Variants in TAPBP observed in about 807,000 individuals in gnomAD.
TAPBP encodes the protein TAP binding protein.
In TAPBP, 38 loss-of-function variants were observed where a neutral mutation model predicts 45.7. The observed-to-expected ratio is 0.83, with a 90% CI of 0.64 to 1.09. The LOEUF (loss-of-function observed/expected upper bound fraction) is 1.09. Ranked by LOEUF, TAPBP falls within the 50% of genes least tolerant of loss-of-function variation. The probability of loss-of-function intolerance (pLI) is 0.00; values close to 1 mark genes in which losing one functional copy is unlikely to be tolerated. For missense variants in TAPBP, 513 were observed against 587.3 expected (o/e 0.87, Z 1.31); for synonymous variants, 226 against 254.8 (o/e 0.89, Z 1.08).
rs1489092697 is a variant in TAPBP, at chr6:33,301,418, A to G, written c.*342T>C. On this transcript the variant is annotated 3_prime_UTR_variant, in exon 8 of 8. Coordinates refer to ENST00000434618, the MANE Select transcript of TAPBP (RefSeq NM_003190.5). Reference sequence around the variant, plus strand: ...GTGAAACCCCGTCTCTACTAAAAATACAAAAATTCACTGGGTGTGGTGGCA... The same window carrying G: ...GTGAAACCCCGTCTCTACTAAAAATGCAAAAATTCACTGGGTGTGGTGGCA... 1.1e-5 allele frequency: 3 copies of G among 280,038 alleles called. No individual in the cohort carries two copies. Among genetic ancestry groups the G allele is most frequent in the African/African-American group, 6.7e-5 (3 of 45,110 alleles). The allele number at this position is 280,038 out of a possible 1,614,324, so 17.3% of individuals were successfully genotyped here.
chr6:33,312,966 C>G (rs938311187), intron 3 of TAPBP: 3 of 426,168 alleles, frequency 7.0e-6, no homozygotes, highest in Non-Finnish European at 1.2e-5. Flanking sequence ...AGTAACCCCC[C>G]TGCCCGGCCC....
intron 3 of TAPBP, among the ~76,000 whole-genome samples, chr6:33,310,443 T>G (rs1282647818): frequency 7.0e-6 from 1 of 143,164 alleles, no homozygotes; most frequent in East Asian, 2.0e-4. Context: ...GAGGCAGAAG[T>G]TGAAATGAGC....
At position 33,301,684 on chromosome 6, in the gene TAPBP, G is replaced by A; in HGVS notation, c.*76C>T. On this transcript the variant is annotated 3_prime_UTR_variant, in exon 8 of 8. Transcript: ENST00000434618. ...GGAGGGATTAGGAGCAGATGATAGG[G>A]TATTATTTTAGGGAGCTACTACAGA... 7.6e-7 allele frequency: 1 copy of A among 1,318,090 alleles called. No individual in the cohort carries two copies. Among genetic ancestry groups the A allele is most frequent in the Non-Finnish European group, 1.1e-6 (1 of 913,298 alleles). 81.6% of individuals were successfully genotyped at this position (1,318,090 alleles called of 1,614,324 possible).
rs1231240668 is a variant in TAPBP at position 33,305,929 on chromosome 6, C to G, written c.470-542G>C. On this transcript the variant is annotated intron_variant, in intron 3 of 7. Transcript: ENST00000434618. This position sits in a 1 kb window ranked among gnomAD's most constrained non-coding sequence, Gnocchi z 4.4. Reference sequence around the variant, plus strand: ...CAGTGCAGTGGCTAAGTGCCTGGAGCCTGGCTGACCGGGTTCAAATCCCCT... The same window carrying G: ...CAGTGCAGTGGCTAAGTGCCTGGAGGCTGGCTGACCGGGTTCAAATCCCCT... Among the ~76,000 whole-genome samples, 1 of 152,200 alleles carries G rather than the reference C, an allele frequency of 6.6e-6. No individual in the cohort carries two copies. The highest frequency in any genetic ancestry group is 1.5e-5 in the Non-Finnish European group (1 of 68,042).
At chr6:33,308,029 A>G (rs1769088993) in intron 3 of TAPBP, 1 of 152,722 alleles carries the variant, frequency 6.5e-6, no homozygotes, top group Non-Finnish European at 1.5e-5. Flanking sequence ...ATCAAGTAAA[A>G]TAACAGGCTT....
intron 3 of TAPBP, among the ~76,000 whole-genome samples, chr6:33,309,720 CTTTTTTTTTTTTTTT>C (rs141940039): frequency 2.1e-5 from 1 of 46,796 alleles, no homozygotes; most frequent in South Asian, 1.1e-3. Context: ...GACACCCAAC[CTTTTTTTTTTTTTTT>C]TTTTTTTTGA....
In TAPBP at chr6:33,304,130, G is replaced by C. The variant is rs1185972385; in HGVS notation, c.1298C>G (p.Ala433Gly). 7 of 1,613,116 alleles carry C rather than the reference G, an allele frequency of 4.3e-6. No individual in the cohort carries two copies. Among genetic ancestry groups the C allele is most frequent in the Non-Finnish European group, 5.9e-6 (7 of 1,179,734 alleles). The stretch of plus-strand genomic sequence containing the variant: ...GTCAGGGTAGGGCTGACACTTACCA[G>C]CCCAGCCCAGTGCCTTGAAGAGCCC... The part of the protein sequence containing the change: ...LLGLFKALGW[A>G]AVYLSTCKDS... The change falls in exon 6 of 8, where the codon GCT (alanine) becomes GGT (glycine). Residue 433 changes from alanine to glycine, a missense_variant and splice_region_variant. Physicochemically the swap from Ala to Gly is moderately conservative, Grantham distance 60 (BLOSUM62 0). Coordinates refer to ENST00000434618, the MANE Select transcript of TAPBP (RefSeq NM_003190.5).
chr6:33,303,750 C>T (rs1280114896), intron 7 of TAPBP: 3 of 1,550,580 alleles, frequency 1.9e-6, no homozygotes, highest in Admixed American at 2.0e-5. Flanking sequence ...TTTTTAAAAT[C>T]CCTACACCCA....
Position 33,313,005 on chromosome 6 carries a change from C to T in TAPBP, c.469+212G>A. 2 of 468,836 alleles carry T rather than the reference C, an allele frequency of 4.3e-6. No homozygotes were observed. Among genetic ancestry groups the T allele is most frequent in the Admixed American group, 4.3e-5 (1 of 23,468 alleles). The allele number at this position is 468,836 out of a possible 1,614,324, so 29.0% of individuals were successfully genotyped here. On this transcript the variant is annotated intron_variant, in intron 3 of 7. Coordinates refer to ENST00000434618, the MANE Select transcript of TAPBP (RefSeq NM_003190.5). This position sits in a 1 kb window ranked among gnomAD's most constrained non-coding sequence, Gnocchi z 7.2. ...TTTCCCCCTACCCCCTGCCAAGCTGCAGTTTTTTTTTTGTTTTTTTTTTTT... is the reference window on the plus strand; with the variant it reads ...TTTCCCCCTACCCCCTGCCAAGCTGTAGTTTTTTTTTTGTTTTTTTTTTTT...
chr6:33,304,931 G>A (rs370719866), intron 4 of TAPBP, 58 bp downstream of exon 4: 8 of 1,590,314 alleles, frequency 5.0e-6, no homozygotes, highest in Non-Finnish European at 6.0e-6. Context: ...CCCCTATTAC[G>A]GTCCCCACAA....
At position 33,313,666 on chromosome 6, in the gene TAPBP, G is replaced by T; in HGVS notation, c.208+28C>A. ...GGTTTCGGTGGAGGCGACAGAGGTA[G>T]GGGGGCGGCGAGTCCCTAGAGACTC... On this transcript the variant is annotated intron_variant, in intron 2 of 7. Transcript: ENST00000434618. This position sits in a 1 kb window ranked among gnomAD's most constrained non-coding sequence, Gnocchi z 7.2. The T allele has an allele frequency of 6.3e-7, 1 of 1,595,490 alleles. No homozygotes were observed. Among genetic ancestry groups the T allele is most frequent in the South Asian group, 1.1e-5 (1 of 90,100 alleles).
At chr6:33,303,866 C>CCACACCCTCA (rs779626516) in intron 7 of TAPBP, 89 bp downstream of exon 7, 1 of 1,613,120 alleles carries the variant, frequency 6.2e-7, no homozygotes, top group East Asian at 2.2e-5. Flanking sequence ...GTTCTGCCTA[C>CCACACCCTCA]CACACCAGCA....
intron 3 of TAPBP, among the ~76,000 whole-genome samples, chr6:33,312,170 C>T (rs1433708014): frequency 6.6e-6 from 1 of 152,140 alleles, no homozygotes; most frequent in Non-Finnish European, 1.5e-5. Flanking sequence ...TATTCCACCC[C>T]ACCAGAGAGA....
At position 33,313,967 on chromosome 6, in the gene TAPBP, C is replaced by T; in HGVS notation, c.37+38G>A. ...AGTGGGGCCACCTCCCTCCGCTTCCCTCTAGTTCTTGGGCGATGAGTCGCG... is the reference window on the plus strand; with the variant it reads ...AGTGGGGCCACCTCCCTCCGCTTCCTTCTAGTTCTTGGGCGATGAGTCGCG... On this transcript the variant is annotated intron_variant, in intron 1 of 7. Transcript: ENST00000434618. The surrounding 1 kb of genome is among the most constrained non-coding windows in gnomAD (Gnocchi z 7.2). 1.2e-6 allele frequency: 2 copies of T among 1,613,930 alleles called. No individual in the cohort carries two copies. Among genetic ancestry groups the T allele is most frequent in the Non-Finnish European group, 1.7e-6 (2 of 1,179,992 alleles).
chr6:33,301,757 C>G lies in TAPBP; in HGVS notation c.*3G>C. 1 of 1,613,868 alleles carries G rather than the reference C, an allele frequency of 6.2e-7. No homozygotes were observed. The highest frequency in any genetic ancestry group is 8.5e-7 in the Non-Finnish European group (1 of 1,179,848). On this transcript the variant is annotated 3_prime_UTR_variant, in exon 8 of 8. Transcript: ENST00000434618. ...GGCTTCCACAGGATGGCAGTGAGTG[C>G]CCTCACTCTGCTTTCTGGAAGAGAG...
chr6:33,306,174 A>G (rs537008289), intron 3 of TAPBP, among the ~76,000 whole-genome samples: 34 of 152,316 alleles, frequency 2.2e-4, no homozygotes, highest in African/African-American at 7.9e-4. Flanking sequence ...TGTCTGGAAC[A>G]CAGTAAGTCT....
chr6:33,304,527 TCCAGGCCC>T lies in TAPBP; in HGVS notation c.972_979del (p.Leu326GlyfsTer46). 6.2e-7 allele frequency: 1 copy of T among 1,612,782 alleles called. No individual in the cohort carries two copies. ...GCCACCCCGGAGTTCCCACTCCACC[TCCAGGCCC>T]CCAGAAGGGTAGAAGTGGGACACAA... is the stretch of plus-strand genomic sequence containing the variant. On this transcript the variant is annotated frameshift_variant, in exon 5 of 8. Transcript: ENST00000434618. LOFTEE classifies it high-confidence loss of function.
In TAPBP at chr6:33,313,683, T is replaced by G; in HGVS notation, c.208+11A>C. The G allele has an allele frequency of 1.9e-6, 3 of 1,607,570 alleles. No individual in the cohort carries two copies. The highest frequency in any genetic ancestry group is 2.6e-6 in the Non-Finnish European group (3 of 1,175,710). The stretch of plus-strand genomic sequence containing the variant: ...CAGAGGTAGGGGGGCGGCGAGTCCC[T>G]AGAGACTCACCGTGTACACTGAGAT... On this transcript the variant is annotated intron_variant, in intron 2 of 7. Coordinates refer to ENST00000434618, the MANE Select transcript of TAPBP (RefSeq NM_003190.5). This position sits in a 1 kb window ranked among gnomAD's most constrained non-coding sequence, Gnocchi z 7.2.
At chr6:33,303,818 C>T (rs1341512346) in intron 7 of TAPBP, 137 bp downstream of exon 7, 8 of 1,583,828 alleles carry the variant, frequency 5.1e-6, no homozygotes, top group South Asian at 4.6e-5. Context: ...GATATAGTGC[C>T]AGGTTTTAAC....
Sources: allele counts gnomAD v4.1 joint callset (sites outside exome capture counted in the v4.1 genomes callset), GRCh38; gene constraint gnomAD v4.1.1; non-coding constraint Gnocchi (gnomAD v3.1); transcripts MANE v1.5; gene names NCBI Gene and HGNC (gene_info 2026-07-23, HGNC 2026-07-21).